The following EXOSC9 variants were observed in gnomAD, a reference collection of about 807,000 sequenced individuals.
The protein encoded by EXOSC9 is exosome component 9, also known as exosome complex component RRP45.
EXOSC9 carries 38 observed loss-of-function variants against 56.5 expected under a neutral mutation model. That is an observed-to-expected ratio of 0.67 (90% confidence interval 0.52 to 0.88). The LOEUF is 0.88. EXOSC9 is among the 40% of genes least tolerant of loss of function. The pLI is 0.00. For synonymous variants in EXOSC9, 170 were observed against 170.8 expected (o/e 0.99, Z 0.04); for missense variants, 559 against 530.5 (o/e 1.05, Z -0.53).
Position 121,816,900 on chromosome 4 carries a change from A to G in EXOSC9, c.*44A>G, listed in dbSNP as rs1467300501. 3 of 1,450,200 alleles carry G rather than the reference A, an allele frequency of 2.1e-6. No homozygotes were observed. The highest frequency in any genetic ancestry group is 1.5e-5 in the African/African-American group (1 of 68,662). The allele number at this position is 1,450,200 out of a possible 1,614,324, so 89.8% of individuals were successfully genotyped here. A position where few individuals can be genotyped will look rare whatever the true frequency, so the allele number is the denominator to read the frequency against. On this transcript the variant is annotated 3_prime_UTR_variant, in exon 12 of 12. Transcript: ENST00000243498. ...TGTATATATAACTATTAAAAGGGAT[A>G]TTTATTCCATTCTGAGAACCCTGGG...
chr4:121,810,127 A>T, intron 7 of EXOSC9, 28 bp downstream of exon 7: 1 of 1,599,444 alleles, frequency 6.3e-7, no homozygotes, highest in Non-Finnish European at 8.6e-7. Flanking sequence ...TGTCCCATTA[A>T]TAATAGGTTG....
intron 6 of EXOSC9, among the ~76,000 whole-genome samples, chr4:121,808,050 T>G (rs915599094): frequency 6.6e-6 from 1 of 152,172 alleles, no homozygotes; most frequent in African/African-American, 2.4e-5. Flanking sequence ...GGGGGGATGG[T>G]TCACAGACTG....
intron 6 of EXOSC9, among the ~76,000 whole-genome samples, chr4:121,808,687 T>C (rs1727118307): frequency 6.6e-6 from 1 of 151,366 alleles, no homozygotes; most frequent in African/African-American, 2.4e-5. Flanking sequence ...TCTTTTCTTT[T>C]TTTTTTTTAA....
Position 121,801,476 on chromosome 4 carries a change from A to G in EXOSC9, c.52A>G (p.Ile18Val). 1 of 1,614,204 alleles carries G rather than the reference A, an allele frequency of 6.2e-7. No homozygotes were observed. Among genetic ancestry groups the G allele is most frequent in the Non-Finnish European group, 8.5e-7 (1 of 1,180,022 alleles). The change falls in exon 1 of 12, where the codon ATC becomes GTC. Residue 18 changes from isoleucine (I) to valine (V), a missense_variant. Physicochemically the swap from Ile to Val is conservative, Grantham distance 29. Coordinates refer to ENST00000243498, the MANE Select transcript of EXOSC9 (RefSeq NM_005033.3). ...CGAACGCCGCTTCCTACTCCGTGCC[A>G]TCGAAGAGAAGAAGGTATGGTTTGG... ...NCERRFLLRA[I>V]EEKKRLDGRQ...
chr4:121,813,308 C>G lies in EXOSC9; in HGVS notation c.902C>G (p.Ala301Gly). ...QRITAFKMEKAPIDTSDVEEK... is the reference protein window; with the variant it reads ...QRITAFKMEKGPIDTSDVEEK... Reference sequence around the variant, plus strand: ...ATCACAGCATTTAAAATGGAAAAGGCCCCTATTGATACCTCGGATGTAGAA... The same window carrying G: ...ATCACAGCATTTAAAATGGAAAAGGGCCCTATTGATACCTCGGATGTAGAA... Residue 301 changes from alanine to glycine, a missense_variant, in exon 9 of 12, where the codon GCC becomes GGC. Ala to Gly is a moderately conservative substitution (Grantham distance 60). Coordinates refer to ENST00000243498, the MANE Select transcript of EXOSC9 (RefSeq NM_005033.3). 1 of 1,613,068 alleles carries G rather than the reference C, an allele frequency of 6.2e-7. No homozygotes were observed. Among genetic ancestry groups the G allele is most frequent in the Non-Finnish European group, 8.5e-7 (1 of 1,179,124 alleles).
chr4:121,816,751 C>A, intron 11 of EXOSC9, 21 bp from the exon 12 acceptor site: 1 of 1,560,224 alleles, frequency 6.4e-7, no homozygotes, highest in Admixed American at 2.1e-5. Flanking sequence ...TTAGTAAATT[C>A]TTACTTTGCT....
chr4:121,804,505 G>A, intron 4 of EXOSC9, 117 bp from the exon 5 acceptor site: 1 of 622,346 alleles, frequency 1.6e-6, no homozygotes, highest in South Asian at 2.7e-5. Context: ...AGTACAAGGA[G>A]TAACTGCGTG....
chr4:121,811,635 T>G lies in EXOSC9; in HGVS notation c.791T>G (p.Leu264Arg). 1 of 1,591,686 alleles carries G rather than the reference T, an allele frequency of 6.3e-7. No homozygotes were observed. The part of the protein sequence containing the change: ...AGVKVAEITE[L>R]ILKALENDQK... ...GTGAAAGTAGCAGAAATTACAGAGC[T>G]AATATTGAAAGCTTTGGAGAATGAC... The change falls in exon 8 of 12, where the codon CTA (leucine) becomes CGA (arginine). Residue 264 changes from leucine (L) to arginine (R), a missense_variant. Transcript: ENST00000243498.
At chr4:121,814,855 A>G (rs1297344210) in intron 10 of EXOSC9, 1 of 152,292 alleles carries the variant, frequency 6.6e-6, no homozygotes, top group African/African-American at 2.4e-5. Context: ...GGTTATTTCT[A>G]CTTTTTAAAA....
At chr4:121,812,690 C>T (rs990181847) in intron 8 of EXOSC9, among the ~76,000 whole-genome samples, 13 of 152,130 alleles carry the variant, frequency 8.5e-5, no homozygotes, top group Admixed American at 3.3e-4. Flanking sequence ...GGGGTTTCGC[C>T]GTTTTGGCCA....
At chr4:121,811,698 G>T in intron 8 of EXOSC9, 27 bp downstream of exon 8, 2 of 1,141,548 alleles carry the variant, frequency 1.8e-6, no homozygotes, top group South Asian at 1.6e-5. Context: ...GAACTAAGTG[G>T]TCTTTTATTT....
chr4:121,813,256 T>A lies in EXOSC9; in HGVS notation c.850T>A (p.Phe284Ile). 1 of 1,610,320 alleles carries A rather than the reference T, an allele frequency of 6.2e-7. No homozygotes were observed. The highest frequency in any genetic ancestry group is 8.5e-7 in the Non-Finnish European group (1 of 1,177,822). Residue 284 changes from phenylalanine (F) to isoleucine (I), a missense_variant, in exon 9 of 12, where the codon TTT becomes ATT. By Grantham distance (21) the Phe-to-Ile change is conservative. Coordinates refer to ENST00000243498, the MANE Select transcript of EXOSC9 (RefSeq NM_005033.3). ...CAGGAAAGAAGGTGGAAAGTTTGGT[T>A]TTGCAGAGTCTATAGCAAATCAAAG... ...KVRKEGGKFGFAESIANQRIT... is the reference protein window; with the variant it reads ...KVRKEGGKFGIAESIANQRIT...
Position 121,813,655 on chromosome 4 carries a change from T to G in EXOSC9, c.975-211T>G, listed in dbSNP as rs374149644. 5.8e-5 allele frequency: 31 copies of G among 535,630 alleles called. No homozygotes were observed. In the South Asian group the frequency reaches 9.7e-4, roughly 17 times the overall value. The allele number at this position is 535,630 out of a possible 1,614,324, so 33.2% of individuals were successfully genotyped here. A position where few individuals can be genotyped will look rare whatever the true frequency, so the allele number is the denominator to read the frequency against. On this transcript the variant is annotated intron_variant, in intron 9 of 11. Transcript: ENST00000243498. Reference sequence around the variant, plus strand: ...TGTTGAGAGAATCTGTCTCTTCACATTTCTTATTAATTGCATCCATAAAAT... The same window carrying G: ...TGTTGAGAGAATCTGTCTCTTCACAGTTCTTATTAATTGCATCCATAAAAT...
chr4:121,804,466 AT>A (rs750022004), intron 4 of EXOSC9, 155 bp from the exon 5 acceptor site: 3 of 485,986 alleles, frequency 6.2e-6, no homozygotes, highest in Non-Finnish European at 1.1e-5. Flanking sequence ...TTTGGCTTAA[AT>A]TTTCTAAAAT....
intron 8 of EXOSC9, among the ~76,000 whole-genome samples, chr4:121,812,576 C>T (rs116391561): frequency 0.055 from 8,388 of 152,160 alleles, 344 homozygotes; most frequent in Non-Finnish European, 0.083. Context: ...CTGCAGCCTC[C>T]GCCTCATGGC....
chr4:121,810,414 T>G (rs1560625907), intron 7 of EXOSC9, among the ~76,000 whole-genome samples: 1 of 150,252 alleles, frequency 6.7e-6, no homozygotes, highest in African/African-American at 2.4e-5. Context: ...GCATGTTGGC[T>G]TACGCCTGTA....
intron 8 of EXOSC9, among the ~76,000 whole-genome samples, chr4:121,812,608 A>G (rs1413247034): frequency 6.6e-6 from 1 of 152,156 alleles, no homozygotes; most frequent in East Asian, 1.9e-4. Context: ...CTCCTGCCTC[A>G]GCCTCCCAAA....
chr4:121,802,770 C>A lies in EXOSC9; in HGVS notation c.258C>A (p.Ala86=), dbSNP rs748226216. 2.0e-5 allele frequency: 33 copies of A among 1,613,926 alleles called. No homozygotes were observed. Among genetic ancestry groups the A allele is most frequent in the Non-Finnish European group, 8.5e-7 (1 of 1,180,000 alleles). Residue 86 remains alanine (A), a synonymous_variant, in exon 3 of 12, where the codon GCC becomes GCA. Transcript: ENST00000243498. ...LFFNLELSQM[A]APAFEPGRQS... ...TTAACCTTGAACTCTCTCAGATGGC[C>A]GCTCCAGCTTTCGAACCTGGCAGGT...
At chr4:121,811,488 AT>A in intron 7 of EXOSC9, 94 bp from the exon 8 acceptor site, 1 of 635,640 alleles carries the variant, frequency 1.6e-6, no homozygotes, top group Non-Finnish European at 2.6e-6. Context: ...TCAGGCTTAA[AT>A]TATAAAGGTA....
Sources: allele counts gnomAD v4.1 joint callset (sites outside exome capture counted in the v4.1 genomes callset), GRCh38; gene constraint gnomAD v4.1.1; transcripts MANE v1.5; gene names NCBI Gene and HGNC (gene_info 2026-07-23, HGNC 2026-07-21).